Variants in NXN observed in about 807,000 individuals in gnomAD.
The protein encoded by NXN is nucleoredoxin.
NXN carries 16 observed loss-of-function variants against 48.6 expected under a neutral mutation model. The ratio of observed to expected loss-of-function variants is 0.33; its 90% CI spans 0.22 to 0.50. The LOEUF is 0.50. NXN is among the 20% of genes least tolerant of loss of function. The pLI is 0.98. For synonymous variants in NXN, 281 were observed against 269.6 expected, an observed-to-expected ratio of 1.04 and a Z score of -0.41; for missense variants, 492 against 605.5, an observed-to-expected ratio of 0.81 and a Z score of 1.97.
rs1455881949 is a variant in NXN at position 898,750 on chromosome 17, C to A, written c.361-72672G>T. Among the ~76,000 whole-genome samples the A allele has an allele frequency of 4.3e-5, 3 of 69,518 alleles. 1 individual carries two copies. The highest frequency in any genetic ancestry group is 9.9e-5 in the African/African-American group (3 of 30,432). The allele number at this position is 69,518 out of a possible 152,430, so 45.6% of individuals were successfully genotyped here. ...GGTAGTGCACACCTATAGTTCCAAGCTGAGGTGGGAGGACTGCTTGAAACT... is the reference window on the plus strand; with the variant it reads ...GGTAGTGCACACCTATAGTTCCAAGATGAGGTGGGAGGACTGCTTGAAACT... On this transcript the variant is annotated intron_variant, in intron 1 of 7. Transcript: ENST00000336868.
chr17:922,825 G>A (rs1056199033), intron 1 of NXN, among the ~76,000 whole-genome samples: 7 of 151,838 alleles, frequency 4.6e-5, no homozygotes, highest in African/African-American at 9.7e-5. Flanking sequence ...CTAACTTTTT[G>A]TATTTTTAGT....
intron 1 of NXN, among the ~76,000 whole-genome samples, chr17:868,160 G>C (rs559506419): frequency 6.6e-6 from 1 of 152,098 alleles, no homozygotes; most frequent in East Asian, 1.9e-4. Context: ...TGCTTCCCTG[G>C]GAACCATTCC....
chr17:803,645 G>A (rs758494808), intron 7 of NXN, 37 bp downstream of exon 7: 2 of 1,613,396 alleles, frequency 1.2e-6, no homozygotes, highest in Non-Finnish European at 1.7e-6. Context: ...AGTCCCAGCT[G>A]AGCCAGCCCT....
At chr17:882,372 TG>T (rs2068293679) in intron 1 of NXN, among the ~76,000 whole-genome samples, 1 of 152,216 alleles carries the variant, frequency 6.6e-6, no homozygotes, top group African/African-American at 2.4e-5. Flanking sequence ...TCCTCATTTC[TG>T]CTCAGTCACT....
intron 1 of NXN, chr17:910,756 A>C (rs1259599854): frequency 2.6e-5 from 4 of 152,218 alleles, no homozygotes; most frequent in Non-Finnish European, 5.9e-5. Context: ...TTGATTACTT[A>C]ATTTGCAGTC....
intron 1 of NXN, chr17:896,858 C>CGGGGGGGCGGGGGGGGGGGGGG: frequency 1.9e-6 from 1 of 536,128 alleles, no homozygotes; most frequent in Non-Finnish European, 3.0e-6. Flanking sequence ...GTCCTGACCA[C>CGGGGGGGCGGGGGGGGGGGGGG]CCGCCCCCGG....
At chr17:803,833 G>C (rs752892561) in intron 6 of NXN, 27 bp from the exon 7 acceptor site, 11 of 1,613,134 alleles carry the variant, frequency 6.8e-6, no homozygotes. Flanking sequence ...GGTAGAAAAA[G>C]ACGGGGAGAA....
At chr17:856,766 C>T (rs75617594) in intron 1 of NXN, among the ~76,000 whole-genome samples, 4,880 of 152,130 alleles carry the variant, frequency 0.032, 94 homozygotes, top group Non-Finnish European at 0.043. Context: ...AGGAGTGAGC[C>T]GCCGGCCACG....
chr17:864,095 G>A (rs1002760164), intron 1 of NXN: 7 of 1,281,012 alleles, frequency 5.5e-6, no homozygotes, highest in African/African-American at 3.2e-5. Context: ...GCTCGGTTCC[G>A]GTGAAGGGGC....
At chr17:959,047 T>A (rs1370592165) in intron 1 of NXN, 1 of 273,256 alleles carries the variant, frequency 3.7e-6, no homozygotes, top group East Asian at 6.6e-5. Context: ...GTGGCCGCGG[T>A]GTGGTCACTG....
At chr17:843,266 A>C (rs944884905) in intron 1 of NXN, among the ~76,000 whole-genome samples, 11 of 152,208 alleles carry the variant, frequency 7.2e-5, no homozygotes, top group African/African-American at 2.7e-4. Context: ...AGGGAACGCG[A>C]TCTCATCTGT....
intron 1 of NXN, among the ~76,000 whole-genome samples, chr17:906,684 A>T (rs972963302): frequency 6.6e-6 from 1 of 151,034 alleles, no homozygotes; most frequent in African/African-American, 2.4e-5. Flanking sequence ...CTCCTGCCTC[A>T]GCCTCCCGAG....
intron 1 of NXN, among the ~76,000 whole-genome samples, chr17:925,032 G>T (rs189813076): frequency 9.6e-4 from 147 of 152,340 alleles, no homozygotes; most frequent in African/African-American, 3.5e-3. Flanking sequence ...GGGAGCAGCC[G>T]GCGGATTCAG....
intron 1 of NXN, among the ~76,000 whole-genome samples, chr17:934,129 C>T (rs2150599374): frequency 6.6e-6 from 1 of 152,300 alleles, no homozygotes. Context: ...AGGCCAGGCG[C>T]CGTGGCTCAC....
chr17:805,103 T>G lies in NXN; in HGVS notation c.965A>C (p.Gln322Pro). The change falls in exon 6 of 8, where the codon CAG (glutamine) becomes CCG (proline). Residue 322 changes from glutamine to proline, a missense_variant. Physicochemically the swap from Gln to Pro is moderately conservative, Grantham distance 76. Transcript: ENST00000336868. ...GACGAGGCAGGGGCCCTCGTTAAGC[T>G]GCGCGGCGTTGGAGTCGGAGAGCTC... ...VLELSDSNAA[Q>P]LNEGPCLVLF... is the part of the protein sequence containing the mutation. 6.2e-7 allele frequency: 1 copy of G among 1,608,004 alleles called. No individual in the cohort carries two copies. Among genetic ancestry groups the G allele is most frequent in the South Asian group, 1.1e-5 (1 of 90,070 alleles).
chr17:843,896 T>A (rs996686868), intron 1 of NXN, among the ~76,000 whole-genome samples: 2 of 152,176 alleles, frequency 1.3e-5, no homozygotes, highest in Admixed American at 6.5e-5. Flanking sequence ...TCACTCCAGA[T>A]CTTTCCAGAA....
intron 1 of NXN, among the ~76,000 whole-genome samples, chr17:837,143 A>G (rs1328705298): frequency 1.3e-5 from 2 of 151,870 alleles, no homozygotes; most frequent in African/African-American, 2.4e-5. Flanking sequence ...ATGCCTCACT[A>G]ATTTTTTGAT....
In NXN at chr17:887,476, T is replaced by C. The variant is rs1389837972; in HGVS notation, c.361-61398A>G. ...GAATACCTTCTTCTGCACCACATTC[T>C]CGGAGATTTTCCAAATCCCGGGCAT... On this transcript the variant is annotated intron_variant, in intron 1 of 7. Coordinates refer to ENST00000336868, the MANE Select transcript of NXN (RefSeq NM_022463.5). Among the ~76,000 whole-genome samples, 3 of 152,116 alleles carry C rather than the reference T, an allele frequency of 2.0e-5. No homozygotes were observed. In the East Asian group the frequency reaches 5.8e-4, roughly 29 times the overall value.
chr17:857,674 GCT>G (rs1421560861), intron 1 of NXN, among the ~76,000 whole-genome samples: 1 of 152,128 alleles, frequency 6.6e-6, no homozygotes, highest in African/African-American at 2.4e-5. Context: ...AAAAGCTGTA[GCT>G]CTCTTTCTCA....
Sources: allele counts gnomAD v4.1 joint callset (sites outside exome capture counted in the v4.1 genomes callset), GRCh38; gene constraint gnomAD v4.1.1; transcripts MANE v1.5; gene names NCBI Gene and HGNC (gene_info 2026-07-23, HGNC 2026-07-21).